The following C10orf90 variants were observed in gnomAD, a reference collection of about 807,000 sequenced individuals.
C10orf90 encodes (E2-independent) E3 ubiquitin-conjugating enzyme FATS.
Under a neutral mutation model 62.5 loss-of-function variants are expected in C10orf90, and 56 were observed. The ratio of observed to expected loss-of-function variants is 0.90; its 90% CI spans 0.72 to 1.12. The LOEUF (loss-of-function observed/expected upper bound fraction) is 1.12, where lower values mean the gene tolerates loss of function less well. Ranked by LOEUF, C10orf90 falls within the 50% of genes most tolerant of loss-of-function variation. The pLI, the probability that C10orf90 is intolerant of heterozygous loss-of-function variation, is 0.00. For synonymous variants in C10orf90, 386 were observed against 340.4 expected (o/e 1.13, Z -1.47); for missense variants, 970 against 880.4 (o/e 1.10, Z -1.29).
intron 2 of C10orf90, among the ~76,000 whole-genome samples, chr10:126,523,992 G>A (rs571623258): frequency 1.6e-4 from 24 of 152,240 alleles, no homozygotes; most frequent in African/African-American, 4.3e-4. Flanking sequence ...ACTAGTCACC[G>A]CTTAGCTATT....
chr10:126,523,316 G>A (rs1036456), intron 2 of C10orf90, among the ~76,000 whole-genome samples: 121,166 of 152,040 alleles, frequency 0.8, 48,973 homozygotes, highest in Middle Eastern at 0.92. Context: ...AATAATGCAC[G>A]TGAAAGCACC....
At chr10:126,582,462 A>T (rs75552388) in intron 2 of C10orf90, among the ~76,000 whole-genome samples, 231 of 152,294 alleles carry the variant, frequency 1.5e-3, no homozygotes, top group African/African-American at 5.5e-3. Context: ...AGGAGGGTGG[A>T]TGTGCATATC....
chr10:126,508,287 A>G (rs1282064994), intron 3 of C10orf90, among the ~76,000 whole-genome samples: 2 of 151,366 alleles, frequency 1.3e-5, no homozygotes, highest in African/African-American at 2.4e-5. Flanking sequence ...CTATGGGGAT[A>G]AAGCCTAGAA....
At chr10:126,565,427 ATATATAT>A (rs1326770751) in intron 2 of C10orf90, among the ~76,000 whole-genome samples, 1 of 13,376 alleles carries the variant, frequency 7.5e-5, no homozygotes, top group African/African-American at 1.8e-4. Flanking sequence ...TATATATATT[ATATATAT>A]TATACACACA....
chr10:126,544,068 A>T (rs1864436349), intron 2 of C10orf90, among the ~76,000 whole-genome samples: 1 of 152,228 alleles, frequency 6.6e-6, no homozygotes, highest in Non-Finnish European at 1.5e-5. Context: ...TCTCATTTTT[A>T]AAGAAAAACT....
chr10:126,639,711 C>T (rs1846022023), intron 2 of C10orf90, among the ~76,000 whole-genome samples: 1 of 152,214 alleles, frequency 6.6e-6, no homozygotes, highest in Admixed American at 6.5e-5. Context: ...TAAAATCTGG[C>T]TGATGCATTT....
Position 126,499,900 on chromosome 10 carries a change from G to T in C10orf90, c.1534+4057C>A, listed in dbSNP as rs138817902. Among the ~76,000 whole-genome samples, 406 of 152,282 alleles carry T rather than the reference G, an allele frequency of 2.7e-3. 1 individual carries two copies. The highest frequency in any genetic ancestry group is 4.5e-3 in the Non-Finnish European group (309 of 68,026). On this transcript the variant is annotated intron_variant, in intron 4 of 9. Transcript: ENST00000488181. ...TTGGATATCTCAGAAATGGTAAAAA[G>T]CTTCAGATTTAAGCCACAGATGCAC...
intron 2 of C10orf90, among the ~76,000 whole-genome samples, chr10:126,625,110 C>T (rs1000038449): frequency 2.0e-5 from 3 of 152,182 alleles, no homozygotes; most frequent in African/African-American, 7.2e-5. Context: ...AGCATCTCCC[C>T]CACAGTCTTC....
At chr10:126,592,992 T>A (rs987344689) in intron 2 of C10orf90, among the ~76,000 whole-genome samples, 1 of 152,136 alleles carries the variant, frequency 6.6e-6, no homozygotes, top group African/African-American at 2.4e-5. Context: ...TAAGATACCA[T>A]GTCATGCCAG....
chr10:126,489,111 T>TA (rs1444678850), intron 4 of C10orf90, among the ~76,000 whole-genome samples: 13 of 151,668 alleles, frequency 8.6e-5, no homozygotes, highest in African/African-American at 1.9e-4. Context: ...CAAACATAAA[T>TA]AAAAAAAATC....
At chr10:126,509,804 G>A (rs1862989143) in intron 3 of C10orf90, among the ~76,000 whole-genome samples, 1 of 152,168 alleles carries the variant, frequency 6.6e-6, no homozygotes, top group South Asian at 2.1e-4. Context: ...TAGTGTCTCA[G>A]TGAGACCCAT....
At chr10:126,493,486 A>C in intron 4 of C10orf90, among the ~76,000 whole-genome samples, 1 of 151,754 alleles carries the variant, frequency 6.6e-6, no homozygotes, top group African/African-American at 2.4e-5. Context: ...TAAGTCTCGC[A>C]AGTAGCTGGG....
chr10:126,503,726 C>T (rs960372208), intron 4 of C10orf90, among the ~76,000 whole-genome samples: 3 of 152,074 alleles, frequency 2.0e-5, no homozygotes, highest in African/African-American at 4.8e-5. Context: ...CTATTGGGAA[C>T]AAGAATTTGA....
intron 2 of C10orf90, among the ~76,000 whole-genome samples, chr10:126,585,454 A>T (rs1844848527): frequency 6.6e-6 from 1 of 150,998 alleles, no homozygotes; most frequent in Non-Finnish European, 1.5e-5. Context: ...GAAAGGAGGG[A>T]AGAAGGAAGG....
At chr10:126,666,559 G>C (rs1846630981) in intron 1 of C10orf90, among the ~76,000 whole-genome samples, 1 of 152,166 alleles carries the variant, frequency 6.6e-6, no homozygotes, top group South Asian at 2.1e-4. Flanking sequence ...AGGGGTGTGG[G>C]AGATGAAAGG....
chr10:126,598,015 C>A (rs1248654880), intron 2 of C10orf90, among the ~76,000 whole-genome samples: 3 of 152,176 alleles, frequency 2.0e-5, no homozygotes, highest in African/African-American at 4.8e-5. Flanking sequence ...ACAAGGATAT[C>A]ATAAGACCTG....
At chr10:126,630,467 G>T (rs984847424) in intron 2 of C10orf90, among the ~76,000 whole-genome samples, 1 of 152,124 alleles carries the variant, frequency 6.6e-6, no homozygotes, top group Non-Finnish European at 1.5e-5. Context: ...GCGATGGTGG[G>T]GTCGGGAACG....
At chr10:126,522,224 C>T (rs1012665485) in intron 2 of C10orf90, among the ~76,000 whole-genome samples, 11 of 152,076 alleles carry the variant, frequency 7.2e-5, no homozygotes, top group African/African-American at 2.4e-4. Flanking sequence ...GCCAAGATAG[C>T]ACCATTGTAC....
intron 4 of C10orf90, among the ~76,000 whole-genome samples, chr10:126,493,399 C>T (rs1309169829): frequency 6.7e-5 from 10 of 148,504 alleles, no homozygotes; most frequent in African/African-American, 2.2e-4. Context: ...CTCGCTCTGT[C>T]GCCTAGGCTA....
Sources: gnomAD v4.1 joint callset for allele counts (sites outside exome capture counted in the v4.1 genomes callset) on GRCh38, gnomAD v4.1.1 for gene constraint, MANE v1.5 for transcripts, NCBI Gene and HGNC (gene_info 2026-07-23, HGNC 2026-07-21) for gene names.